PTPRS: variants seen among roughly 807,000 people sequenced by gnomAD.
The protein encoded by PTPRS is protein tyrosine phosphatase receptor type S, also known as receptor-type tyrosine-protein phosphatase S.
In PTPRS, 63 loss-of-function variants were observed where a neutral mutation model predicts 215.3. The observed-to-expected ratio is 0.29, with a 90% CI of 0.24 to 0.36. The LOEUF (loss-of-function observed/expected upper bound fraction) is 0.36. PTPRS is among the 10% of genes least tolerant of loss of function. The probability of loss-of-function intolerance (pLI) is 1.00; values close to 1 mark genes in which losing one functional copy is unlikely to be tolerated. For synonymous variants in PTPRS, 1,404 were observed against 1,191.4 expected (o/e 1.18, Z -3.68); for missense variants, 2,258 against 2,825.8 (o/e 0.80, Z 4.56).
At chr19:5,334,181 C>T (rs1315448450) in intron 1 of PTPRS, among the ~76,000 whole-genome samples, 1 of 152,232 alleles carries the variant, frequency 6.6e-6, no homozygotes, top group African/African-American at 2.4e-5. Flanking sequence ...AGGGGAACGC[C>T]CCAGTTTGCA....
At chr19:5,277,057 G>GTTT (rs60512892) in intron 2 of PTPRS, among the ~76,000 whole-genome samples, 14,840 of 132,950 alleles carry the variant, frequency 0.11, 956 homozygotes, top group Admixed American at 0.22. Flanking sequence ...TGAGTTTTGT[G>GTTT]TTTTTTTTTT....
rs775265305 is a variant in PTPRS at position 5,216,816 on chromosome 19, G to T, written c.4049-49C>A. ...AATGAAAACATGCAGGGGGTAGGGG[G>T]GGGTCCCACCTCTGCCTCCCCCACC... On this transcript the variant is annotated intron_variant, in intron 25 of 37. Coordinates refer to ENST00000262963, the MANE Select transcript of PTPRS (RefSeq NM_002850.4). The T allele has an allele frequency of 5.3e-6, 7 of 1,319,778 alleles. No homozygotes were observed. In the African/African-American group the frequency reaches 8.8e-5, roughly 17 times the overall value. The allele number at this position is 1,319,778 out of a possible 1,614,324, so 81.8% of individuals were successfully genotyped here.
At chr19:5,275,783 G>A (rs2047310780) in intron 2 of PTPRS, among the ~76,000 whole-genome samples, 1 of 152,140 alleles carries the variant, frequency 6.6e-6, no homozygotes, top group Admixed American at 6.6e-5. Context: ...TTCAACCTGG[G>A]CGACAGAGTG....
intron 1 of PTPRS, among the ~76,000 whole-genome samples, chr19:5,337,484 G>T (rs1600159807): frequency 1.3e-5 from 2 of 152,308 alleles, no homozygotes; most frequent in East Asian, 3.9e-4. Flanking sequence ...GAAGCCACAG[G>T]TCTCCCCATC....
chr19:5,298,977 A>G (rs1451199403), intron 1 of PTPRS, among the ~76,000 whole-genome samples: 1 of 151,650 alleles, frequency 6.6e-6, no homozygotes, highest in Non-Finnish European at 1.5e-5. Flanking sequence ...CTAAATTTCT[A>G]CTCACTTTGT....
chr19:5,213,122 A>T (rs1426701838), intron 30 of PTPRS, among the ~76,000 whole-genome samples: 1 of 152,124 alleles, frequency 6.6e-6, no homozygotes, highest in Admixed American at 6.5e-5. Context: ...CTGCCTTCAA[A>T]GTCTATCCCA....
chr19:5,278,224 T>C (rs1265047679), intron 2 of PTPRS: 1 of 368,324 alleles, frequency 2.7e-6, no homozygotes, highest in Non-Finnish European at 5.1e-6. Flanking sequence ...GGGGAAAGGA[T>C]GCTTTTTTGT....
Position 5,269,162 on chromosome 19 carries a change from C to T in PTPRS, c.380-3966G>A, listed in dbSNP as rs190132900. On this transcript the variant is annotated intron_variant, in intron 4 of 37. Transcript: ENST00000262963. ...TCATTCATGCGTGGGTACATGTGTG[C>T]CGCATGTATGTGCTCACGCTTGCCC... Among the ~76,000 whole-genome samples the T allele has an allele frequency of 7.6e-4, 115 of 152,204 alleles. 1 individual carries two copies. Among genetic ancestry groups the T allele is most frequent in the African/African-American group, 2.6e-3 (107 of 41,544 alleles).
At chr19:5,215,729 T>G in intron 26 of PTPRS, 134 bp from the exon 27 acceptor site, 1 of 669,746 alleles carries the variant, frequency 1.5e-6, no homozygotes, top group Non-Finnish European at 2.5e-6. Context: ...GGGTGGGGCT[T>G]GGCAGGAGGG....
intron 23 of PTPRS, 25 bp from the exon 24 acceptor site, chr19:5,218,823 G>T: frequency 6.3e-7 from 1 of 1,586,552 alleles, no homozygotes; most frequent in Non-Finnish European, 8.6e-7. Context: ...AGACACAGGT[G>T]AGAAGGGGGA....
At chr19:5,302,655 G>A (rs972058342) in intron 1 of PTPRS, among the ~76,000 whole-genome samples, 6 of 152,146 alleles carry the variant, frequency 3.9e-5, no homozygotes, top group South Asian at 4.1e-4. Flanking sequence ...GACGTGTTAG[G>A]AGCTGAAAGG....
chr19:5,303,602 A>AG (rs1003286338), intron 1 of PTPRS, among the ~76,000 whole-genome samples: 3 of 151,458 alleles, frequency 2.0e-5, no homozygotes, highest in Non-Finnish European at 4.4e-5. Context: ...TGGTGCAGAG[A>AG]GGGGGGCTGG....
At chr19:5,208,871 C>T (rs1435855892) in intron 35 of PTPRS, among the ~76,000 whole-genome samples, 2 of 152,304 alleles carry the variant, frequency 1.3e-5, no homozygotes, top group Middle Eastern at 3.4e-3. Flanking sequence ...TTCCCAGCTC[C>T]TATTCACCAT....
intron 31 of PTPRS, 38 bp downstream of exon 31, chr19:5,212,299 C>A (rs375900256): frequency 1.9e-6 from 3 of 1,609,294 alleles, no homozygotes; most frequent in African/African-American, 1.3e-5. Context: ...CTGCGGGGAC[C>A]GGGGGGAAGC....
chr19:5,275,063 ATTTTC>A (rs902871097), intron 2 of PTPRS, among the ~76,000 whole-genome samples: 3 of 110,736 alleles, frequency 2.7e-5, no homozygotes, highest in African/African-American at 1.1e-4. Context: ...CCTGATCGTC[ATTTTC>A]TTTTCTTTTT....
At chr19:5,297,345 A>C (rs2147065006) in intron 1 of PTPRS, among the ~76,000 whole-genome samples, 1 of 152,344 alleles carries the variant, frequency 6.6e-6, no homozygotes, top group African/African-American at 2.4e-5. Context: ...AAAGTTACCC[A>C]CAATCCATCC....
chr19:5,256,024 T>C, intron 9 of PTPRS, 84 bp downstream of exon 9: 1 of 1,238,126 alleles, frequency 8.1e-7, no homozygotes, highest in South Asian at 1.4e-5. Flanking sequence ...GTGTGGTGTC[T>C]ACATGTGTTT....
chr19:5,260,590 C>T (rs1599759187), intron 7 of PTPRS, among the ~76,000 whole-genome samples: 1 of 152,348 alleles, frequency 6.6e-6, no homozygotes, highest in South Asian at 2.1e-4. Context: ...CCTTCCACAG[C>T]CAGGTGACCT....
intron 1 of PTPRS, among the ~76,000 whole-genome samples, chr19:5,326,160 G>A (rs1481512715): frequency 6.6e-6 from 1 of 152,240 alleles, no homozygotes; most frequent in African/African-American, 2.4e-5. Flanking sequence ...GAACCCGGGA[G>A]GTGGGGGTTG....
Sources: gnomAD v4.1 joint callset for allele counts (sites outside exome capture counted in the v4.1 genomes callset) on GRCh38, gnomAD v4.1.1 for gene constraint, MANE v1.5 for transcripts, NCBI Gene and HGNC (gene_info 2026-07-23, HGNC 2026-07-21) for gene names.